MARS1: variants seen among roughly 807,000 people sequenced by gnomAD.
MARS1 encodes the protein methionine--tRNA ligase, cytoplasmic.
Under a neutral mutation model 119.5 loss-of-function variants are expected in MARS1, and 80 were observed. The ratio of observed to expected loss-of-function variants is 0.67; its 90% CI spans 0.56 to 0.81. The LOEUF is 0.81. MARS1 is among the 30% of genes least tolerant of loss of function. The pLI is 0.00. For missense variants in MARS1, 945 were observed against 1,116.5 expected (o/e 0.85, Z 2.19); for synonymous variants, 418 against 433.4 (o/e 0.96, Z 0.44).
chr12:57,506,278 A>G (rs1877176682), intron 11 of MARS1, among the ~76,000 whole-genome samples: 1 of 152,090 alleles, frequency 6.6e-6, no homozygotes, highest in South Asian at 2.1e-4. Flanking sequence ...AAAAGAAAAA[A>G]TTAGCCAAAT....
intron 11 of MARS1, among the ~76,000 whole-genome samples, chr12:57,504,912 C>T (rs1009204099): frequency 3.3e-5 from 5 of 151,824 alleles, no homozygotes; most frequent in Non-Finnish European, 5.9e-5. Context: ...CCATGTTGAC[C>T]AGGCTGGTCT....
chr12:57,510,646 C>T (rs770652258), intron 11 of MARS1, among the ~76,000 whole-genome samples: 7 of 150,924 alleles, frequency 4.6e-5, no homozygotes, highest in South Asian at 4.2e-4. Flanking sequence ...TTTGCACTTC[C>T]TCAGCTGGCC....
At chr12:57,489,712 A>C in intron 4 of MARS1, 154 bp downstream of exon 4, 4 of 1,203,614 alleles carry the variant, frequency 3.3e-6, no homozygotes, top group Non-Finnish European at 4.7e-6. Context: ...AATTTTTTTC[A>C]GTTGTGAAAT....
intron 7 of MARS1, among the ~76,000 whole-genome samples, chr12:57,496,392 C>T (rs1193855363): frequency 2.0e-5 from 3 of 147,138 alleles, no homozygotes; most frequent in Non-Finnish European, 1.5e-5. Flanking sequence ...TCTTGAGCTC[C>T]GACCTCGTGA....
chr12:57,516,403 C>G, intron 20 of MARS1, 32 bp from the exon 21 acceptor site: 1 of 1,611,698 alleles, frequency 6.2e-7, no homozygotes, highest in East Asian at 2.2e-5. Flanking sequence ...TTTCTTGCCT[C>G]ACTGTTACCT....
chr12:57,513,588 C>T (rs1437690667), intron 15 of MARS1, among the ~76,000 whole-genome samples: 1 of 140,894 alleles, frequency 7.1e-6, no homozygotes, highest in East Asian at 2.1e-4. Flanking sequence ...ACACTCCAGC[C>T]TTGGCAAAAG....
At chr12:57,495,816 C>T (rs981730182) in intron 7 of MARS1, among the ~76,000 whole-genome samples, 3 of 151,912 alleles carry the variant, frequency 2.0e-5, no homozygotes, top group South Asian at 2.1e-4. Context: ...CCGGCCAACA[C>T]GGCGAAACCC....
intron 7 of MARS1, among the ~76,000 whole-genome samples, chr12:57,493,319 ATATATTATATAT>A (rs1238754326): frequency 9.7e-6 from 1 of 103,534 alleles, no homozygotes; most frequent in Non-Finnish European, 1.8e-5. Flanking sequence ...ATATTATATA[ATATATTATATAT>A]AATATATGTT....
At chr12:57,496,536 T>C (rs4760273) in intron 7 of MARS1, among the ~76,000 whole-genome samples, 102,660 of 151,896 alleles carry the variant, frequency 0.68, 39,800 homozygotes, top group Non-Finnish European at 0.86. Flanking sequence ...CCCAGCACTT[T>C]GGGAGGTTGA....
At chr12:57,510,270 G>A (rs781238517) in intron 11 of MARS1, among the ~76,000 whole-genome samples, 16 of 151,808 alleles carry the variant, frequency 1.1e-4, no homozygotes, top group Non-Finnish European at 2.2e-4. Flanking sequence ...TCAATAGACC[G>A]AGACCATCCT....
Position 57,493,795 on chromosome 12 carries a change from ATTATATTATATAATGTATATT to A in MARS1, c.770+3152_770+3172del, listed in dbSNP as rs1876357720. Among the ~76,000 whole-genome samples, 5 of 824 alleles carry A rather than the reference ATTATATTATATAATGTATATT, an allele frequency of 6.1e-3. 1 individual carries two copies. Among genetic ancestry groups the A allele is most frequent in the African/African-American group, 0.01 (5 of 496 alleles). 0.5% of individuals were successfully genotyped at this position (824 alleles called of 152,430 possible). ...ATATAATATATATTATATATTATATATTATATTATATAATGTATATTATATATATTATATTATATATTATAA... is the reference window on the plus strand; with the variant it reads ...ATATAATATATATTATATATTATATAATATATATTATATTATATATTATAA... On this transcript the variant is annotated intron_variant, in intron 7 of 20. Transcript: ENST00000262027.
intron 10 of MARS1, among the ~76,000 whole-genome samples, chr12:57,501,320 AT>A (rs1876905391): frequency 6.6e-6 from 1 of 152,234 alleles, no homozygotes; most frequent in East Asian, 1.9e-4. Context: ...CATTGTGGGA[AT>A]TTAGATTTTA....
At chr12:57,489,849 CTGAG>C in intron 4 of MARS1, 43 bp from the exon 5 acceptor site, 2 of 1,525,808 alleles carry the variant, frequency 1.3e-6, no homozygotes, top group Non-Finnish European at 1.8e-6. Context: ...TGGGAAGAAA[CTGAG>C]TGTCTCATTT....
intron 10 of MARS1, among the ~76,000 whole-genome samples, chr12:57,501,560 C>A (rs1316973425): frequency 2.0e-5 from 3 of 152,188 alleles, no homozygotes; most frequent in African/African-American, 7.2e-5. Flanking sequence ...TGGCTCACGC[C>A]TGTAATCCCA....
In MARS1 at chr12:57,514,710, CCCAA is replaced by C. The variant is rs902582480; in HGVS notation, c.1968-5_1968-2del. 1.9e-6 allele frequency: 3 copies of C among 1,614,014 alleles called. No homozygotes were observed. The highest frequency in any genetic ancestry group is 4.5e-5 in the East Asian group (2 of 44,886). On this transcript the variant is annotated splice_polypyrimidine_tract_variant and splice_region_variant and intron_variant, in intron 15 of 20. Coordinates refer to ENST00000262027, the MANE Select transcript of MARS1 (RefSeq NM_004990.4). Reference sequence around the variant, plus strand: ...TTTTTTCCACTTCTGCTTTCCTACTCCCAACCAAGAGCTGGGATGTTTGTGTCTA... The same window carrying C: ...TTTTTTCCACTTCTGCTTTCCTACTCCCAAGAGCTGGGATGTTTGTGTCTA...
Position 57,515,051 on chromosome 12 carries a change from G to C in MARS1, c.2197G>C (p.Ala733Pro), listed in dbSNP as rs1877720033. 6.2e-7 allele frequency: 1 copy of C among 1,614,210 alleles called. No individual in the cohort carries two copies. The highest frequency in any genetic ancestry group is 8.5e-7 in the Non-Finnish European group (1 of 1,180,036). The change falls in exon 17 of 21, where the codon GCT (alanine) becomes CCT (proline). Residue 733 changes from alanine to proline, a missense_variant. Physicochemically the swap from Ala to Pro is conservative, Grantham distance 27. Transcript: ENST00000262027. ...CTGGAAGCGGATTAAAGGCAGTGAG[G>C]CTGACAGGTAGGTAAGCGGGGAGGG... ...EPWKRIKGSE[A>P]DRQRAGTVTG...
Position 57,488,217 on chromosome 12 carries a change from G to C in MARS1, c.109+18G>C, listed in dbSNP as rs372722438. 3.5e-4 allele frequency: 565 copies of C among 1,600,502 alleles called. 2 individuals carry two copies. Among genetic ancestry groups the C allele is most frequent in the Middle Eastern group, 1.0e-3 (6 of 5,882 alleles). ...CCCGGAAGGTACTCGTGCTGGTGCT[G>C]GTGGGCGGTGGATGGGGGGGCGGGA... On this transcript the variant is annotated intron_variant, in intron 1 of 20. Transcript: ENST00000262027.
At chr12:57,499,601 CAA>C (rs753629572) in intron 9 of MARS1, among the ~76,000 whole-genome samples, 863 of 67,358 alleles carry the variant, frequency 0.013, 17 homozygotes, top group East Asian at 0.075. Flanking sequence ...GAGACTGTCT[CAA>C]AAAAAAAAAA....
At position 57,489,493 on chromosome 12, in the gene MARS1, G is replaced by T. The variant is rs761131110; in HGVS notation, c.349G>T (p.Val117Leu). 4 of 1,614,196 alleles carry T rather than the reference G, an allele frequency of 2.5e-6. No individual in the cohort carries two copies. Among genetic ancestry groups the T allele is most frequent in the African/African-American group, 1.3e-5 (1 of 75,034 alleles). The change falls in exon 4 of 21, where the codon GTG (valine) becomes TTG (leucine). Residue 117 changes from valine (V) to leucine (L), a missense_variant. By Grantham distance (32) the Val-to-Leu change is conservative. Transcript: ENST00000262027. ...GAAGGGGGAAGATGTTCTTGGTTCA[G>T]TGCGGAGAGCCCTGACTCACATTGA... ...GKKGEDVLGS[V>L]RRALTHIDHS...
Sources: gnomAD v4.1 joint callset for allele counts (sites outside exome capture counted in the v4.1 genomes callset) on GRCh38, gnomAD v4.1.1 for gene constraint, MANE v1.5 for transcripts, NCBI Gene and HGNC (gene_info 2026-07-23, HGNC 2026-07-21) for gene names.